The following ECT2 variants were observed in gnomAD, a reference collection of about 807,000 sequenced individuals.
ECT2 encodes the protein epithelial cell transforming 2.
ECT2 carries 61 observed loss-of-function variants against 116.9 expected under a neutral mutation model. That is an observed-to-expected ratio of 0.52 (90% CI 0.42 to 0.65). The LOEUF is 0.65. Ranked by LOEUF, ECT2 falls within the 30% of genes least tolerant of loss-of-function variation. The pLI is 0.00. For missense variants in ECT2, 937 were observed against 1,078.7 expected, an observed-to-expected ratio of 0.87 and a Z score of 1.84; for synonymous variants, 358 against 346.4, an observed-to-expected ratio of 1.03 and a Z score of -0.37.
Position 172,756,968 on chromosome 3 carries a change from C to A in ECT2, c.304-15C>A. ...TATAAATAATTTTTATTTCTGCTAACTATATGATGAAAAGGACATTAAAGT... is the reference window on the plus strand; with the variant it reads ...TATAAATAATTTTTATTTCTGCTAAATATATGATGAAAAGGACATTAAAGT... On this transcript the variant is annotated splice_polypyrimidine_tract_variant and intron_variant, in intron 4 of 24. Transcript: ENST00000392692. 1 of 1,586,728 alleles carries A rather than the reference C, an allele frequency of 6.3e-7. No individual in the cohort carries two copies. The highest frequency in any genetic ancestry group is 8.5e-7 in the Non-Finnish European group (1 of 1,170,930).
At chr3:172,784,234 C>T (rs74553142) in intron 16 of ECT2, among the ~76,000 whole-genome samples, 4,113 of 151,844 alleles carry the variant, frequency 0.027, 75 homozygotes, top group South Asian at 0.079. Context: ...TTGCTTGAGG[C>T]TAGGAGTTTG....
intron 1 of ECT2, among the ~76,000 whole-genome samples, chr3:172,751,630 T>A (rs1310582937): frequency 6.6e-6 from 1 of 152,156 alleles, no homozygotes; most frequent in Non-Finnish European, 1.5e-5. Flanking sequence ...ATTTTAGTCC[T>A]TCACCTTGGA....
chr3:172,751,554 T>G (rs756506148), intron 1 of ECT2, among the ~76,000 whole-genome samples: 52 of 151,662 alleles, frequency 3.4e-4, no homozygotes, highest in Non-Finnish European at 7.3e-5. Context: ...TATTAAGCGT[T>G]AAGTAAATGT....
chr3:172,794,253 A>C (rs1725214672), intron 18 of ECT2, among the ~76,000 whole-genome samples: 1 of 152,166 alleles, frequency 6.6e-6, no homozygotes, highest in African/African-American at 2.4e-5. Flanking sequence ...ATTTAGGTGT[A>C]TGATCCATTT....
At chr3:172,785,755 C>T (rs1004563422) in intron 17 of ECT2, among the ~76,000 whole-genome samples, 9 of 152,150 alleles carry the variant, frequency 5.9e-5, no homozygotes, top group African/African-American at 2.2e-4. Flanking sequence ...GAATTACTGG[C>T]TTATAAAATG....
intron 5 of ECT2, among the ~76,000 whole-genome samples, chr3:172,757,943 G>T (rs1269752279): frequency 6.6e-6 from 1 of 151,730 alleles, no homozygotes; most frequent in East Asian, 1.9e-4. Flanking sequence ...TGCAACCTCT[G>T]CTTTCCCGGG....
intron 14 of ECT2, among the ~76,000 whole-genome samples, chr3:172,777,244 A>G (rs1209404683): frequency 1.3e-5 from 2 of 152,206 alleles, no homozygotes; most frequent in African/African-American, 4.8e-5. Context: ...TGGGGATAAT[A>G]ATAACTGACT....
At chr3:172,805,282 ACT>A (rs1560013413) in intron 20 of ECT2, among the ~76,000 whole-genome samples, 1 of 151,994 alleles carries the variant, frequency 6.6e-6, no homozygotes, top group Non-Finnish European at 1.5e-5. Flanking sequence ...TTTTTTTTAA[ACT>A]CTGTACTAGC....
chr3:172,774,571 C>T (rs1721307298), intron 14 of ECT2, among the ~76,000 whole-genome samples: 1 of 152,036 alleles, frequency 6.6e-6, no homozygotes, highest in Non-Finnish European at 1.5e-5. Flanking sequence ...CTTACTGCAA[C>T]CTTGACCTCC....
At chr3:172,797,197 T>G (rs1725850961) in intron 18 of ECT2, among the ~76,000 whole-genome samples, 1 of 119,604 alleles carries the variant, frequency 8.4e-6, no homozygotes, top group Non-Finnish European at 1.9e-5. Flanking sequence ...GCCTAGCTAA[T>G]TTTTGTATTT....
At chr3:172,809,618 A>T (rs760222120) in intron 22 of ECT2, among the ~76,000 whole-genome samples, 3 of 151,730 alleles carry the variant, frequency 2.0e-5, no homozygotes, top group Non-Finnish European at 4.4e-5. Flanking sequence ...CACGTGAAAG[A>T]TGTAAAAAGA....
rs1718948132 is a variant in ECT2 at position 172,764,501 on chromosome 3, G to A, written c.1291+1G>A. On this transcript the variant is annotated splice_donor_variant, in intron 12 of 24. Transcript: ENST00000392692. LOFTEE classifies it high-confidence loss of function. ...CCAGAGTCTAGCATTAACTATGGAG[G>A]TAATTCACATTCTTAAAAACTTGTC... 4 of 1,610,770 alleles carry A rather than the reference G, an allele frequency of 2.5e-6. No homozygotes were observed. The highest frequency in any genetic ancestry group is 2.5e-6 in the Non-Finnish European group (3 of 1,177,310).
chr3:172,764,050 T>C (rs192117885), intron 11 of ECT2, among the ~76,000 whole-genome samples: 2 of 152,282 alleles, frequency 1.3e-5, no homozygotes, highest in East Asian at 3.9e-4. Flanking sequence ...GAAAATATAA[T>C]AGTGATAGTG....
chr3:172,816,419 C>G (rs1396639210), intron 23 of ECT2, among the ~76,000 whole-genome samples: 1 of 152,030 alleles, frequency 6.6e-6, no homozygotes, highest in South Asian at 2.1e-4. Context: ...AATCTCACAA[C>G]TAGACTGGCT....
At chr3:172,760,674 G>A (rs1321063207) in intron 7 of ECT2, among the ~76,000 whole-genome samples, 1 of 148,672 alleles carries the variant, frequency 6.7e-6, no homozygotes, top group African/African-American at 2.5e-5. Flanking sequence ...AACATTGTAG[G>A]AATTGTGAAA....
chr3:172,776,825 T>G (rs1287674012), intron 14 of ECT2, among the ~76,000 whole-genome samples: 1 of 152,130 alleles, frequency 6.6e-6, no homozygotes, highest in East Asian at 1.9e-4. Flanking sequence ...GTCTGTATTT[T>G]ATAATATCAC....
chr3:172,773,543 A>G (rs752104860), intron 13 of ECT2, among the ~76,000 whole-genome samples: 2 of 152,168 alleles, frequency 1.3e-5, no homozygotes, highest in African/African-American at 2.4e-5. Flanking sequence ...CATATATTAG[A>G]TATGTCTGGA....
At chr3:172,822,183 C>G (rs1344629748), downstream of ECT2, among the ~76,000 whole-genome samples, 1 of 151,862 alleles carries the variant, frequency 6.6e-6, no homozygotes, top group Non-Finnish European at 1.5e-5. Flanking sequence ...ATGACTTACA[C>G]TGACAAGTTA....
chr3:172,828,694 G>A, the ECT2 span: 11 of 400,274 alleles, frequency 2.7e-5, 1 homozygote, highest in South Asian at 6.5e-5. Flanking sequence ...GCATGGAGTC[G>A]CAGCAGCAGG....
Sources: allele counts gnomAD v4.1 joint callset (sites outside exome capture counted in the v4.1 genomes callset), GRCh38; gene constraint gnomAD v4.1.1; transcripts MANE v1.5; gene names NCBI Gene and HGNC (gene_info 2026-07-23, HGNC 2026-07-21).